The following CRTAC1 variants were observed in gnomAD, a reference collection of about 807,000 sequenced individuals.
CRTAC1 encodes the protein acidic secreted protein in cartilage.
CRTAC1 carries 37 observed loss-of-function variants against 67.8 expected under a neutral mutation model. The observed-to-expected ratio is 0.55, with a 90% CI of 0.42 to 0.72. The LOEUF is 0.72. Ranked by LOEUF, CRTAC1 falls within the 30% of genes least tolerant of loss-of-function variation. The probability of loss-of-function intolerance (pLI) is 0.00; values close to 1 mark genes in which losing one functional copy is unlikely to be tolerated. For synonymous variants in CRTAC1, 348 were observed against 371.0 expected, an observed-to-expected ratio of 0.94 and a Z score of 0.71; for missense variants, 780 against 931.6, an observed-to-expected ratio of 0.84 and a Z score of 2.12.
At chr10:97,907,173 G>T (rs2050624083) in intron 6 of CRTAC1, among the ~76,000 whole-genome samples, 1 of 152,188 alleles carries the variant, frequency 6.6e-6, no homozygotes, top group Non-Finnish European at 1.5e-5. Flanking sequence ...CCGTGACCCG[G>T]TCCTTGTAAA....
Position 97,975,154 on chromosome 10 carries a change from G to A in CRTAC1, c.224+35984C>T, listed in dbSNP as rs1251292420. On this transcript the variant is annotated intron_variant, in intron 2 of 14. Transcript: ENST00000370597. The surrounding 1 kb of genome is among the most constrained non-coding windows in gnomAD (Gnocchi z 4.8). ...CTAAACGGCAGCATTTAAGGGCCCT[G>A]CGAAGGAATCCAATTTGCGCACAAG... Among the ~76,000 whole-genome samples the A allele has an allele frequency of 6.6e-6, 1 of 152,198 alleles. No individual in the cohort carries two copies. The highest frequency in any genetic ancestry group is 1.5e-5 in the Non-Finnish European group (1 of 68,024).
At chr10:97,931,941 C>G (rs1243535292) in intron 3 of CRTAC1, among the ~76,000 whole-genome samples, 1 of 152,172 alleles carries the variant, frequency 6.6e-6, no homozygotes, top group Non-Finnish European at 1.5e-5. Flanking sequence ...TGCACACTCT[C>G]CTACCTGGTT....
chr10:97,969,562 C>G (rs1255398356), intron 2 of CRTAC1, among the ~76,000 whole-genome samples: 1 of 152,132 alleles, frequency 6.6e-6, no homozygotes, highest in Non-Finnish European at 1.5e-5. Flanking sequence ...GATCTTTGGA[C>G]AAATGTAACC....
At chr10:97,936,021 C>A in intron 3 of CRTAC1, 149 bp downstream of exon 3, 2 of 687,766 alleles carry the variant, frequency 2.9e-6, no homozygotes, top group East Asian at 2.8e-5. Context: ...ATTCTGGGAC[C>A]CAGGGAGGTC....
chr10:97,883,468 T>C (rs1033068638), intron 12 of CRTAC1, among the ~76,000 whole-genome samples: 3 of 152,140 alleles, frequency 2.0e-5, no homozygotes, highest in Admixed American at 6.5e-5. Context: ...GTAACACACA[T>C]GACACAAAAT....
chr10:97,984,631 C>A (rs1452633389), intron 2 of CRTAC1, among the ~76,000 whole-genome samples: 1 of 152,178 alleles, frequency 6.6e-6, no homozygotes, highest in Non-Finnish European at 1.5e-5. Flanking sequence ...ACAAGGCTCC[C>A]AAGGTCATCT....
intron 8 of CRTAC1, 134 bp downstream of exon 8, chr10:97,901,369 G>A (rs936315610): frequency 1.0e-6 from 1 of 993,712 alleles, no homozygotes; most frequent in African/African-American, 1.6e-5. Flanking sequence ...TCTTCATCAG[G>A]GGACCTGTGT....
In CRTAC1 at chr10:98,029,864, G is replaced by T. The variant is rs1422787087; in HGVS notation, c.24+585C>A. 6.6e-6 allele frequency among the ~76,000 whole-genome samples: 1 copy of T among 152,172 alleles called. No individual in the cohort carries two copies. Among genetic ancestry groups the T allele is most frequent in the East Asian group, 1.9e-4 (1 of 5,148 alleles). ...TGAAGGGAAGACCACACCTCGTCCAGCATAAGGCGGCTAGCAGCTACGCCG... is the reference window on the plus strand; with the variant it reads ...TGAAGGGAAGACCACACCTCGTCCATCATAAGGCGGCTAGCAGCTACGCCG... On this transcript the variant is annotated intron_variant, in intron 1 of 14. Coordinates refer to ENST00000370597, the MANE Select transcript of CRTAC1 (RefSeq NM_018058.7). The surrounding 1 kb of genome is among the most constrained non-coding windows in gnomAD (Gnocchi z 4.7).
intron 6 of CRTAC1, among the ~76,000 whole-genome samples, chr10:97,906,992 G>A (rs952277650): frequency 2.6e-5 from 4 of 152,186 alleles, no homozygotes; most frequent in African/African-American, 9.7e-5. Context: ...ATGCCTCCAA[G>A]AAGGAGGTGA....
At chr10:97,911,387 T>TA (rs1165013073) in intron 5 of CRTAC1, among the ~76,000 whole-genome samples, 2 of 152,370 alleles carry the variant, frequency 1.3e-5, no homozygotes, top group African/African-American at 2.4e-5. Context: ...TTGTAACCTG[T>TA]AATTACTAGA....
intron 8 of CRTAC1, among the ~76,000 whole-genome samples, chr10:97,898,748 G>T (rs2050494763): frequency 6.6e-6 from 1 of 152,140 alleles, no homozygotes. Context: ...AATCTCCGTG[G>T]GAGACCAGGA....
intron 1 of CRTAC1, among the ~76,000 whole-genome samples, chr10:98,020,779 C>A (rs552342728): frequency 2.8e-4 from 43 of 152,284 alleles, no homozygotes; most frequent in African/African-American, 9.9e-4. Context: ...GGGCAGGACA[C>A]CTGGTGGGAA....
At chr10:97,870,540 C>A (rs1196231745) in intron 14 of CRTAC1, 1 of 152,092 alleles carries the variant, frequency 6.6e-6, no homozygotes, top group Admixed American at 6.5e-5. Context: ...GTGCTCACTT[C>A]ATGAGAATTC....
intron 2 of CRTAC1, among the ~76,000 whole-genome samples, chr10:98,003,654 A>T (rs1842734131): frequency 6.6e-6 from 1 of 151,958 alleles, no homozygotes. Flanking sequence ...TAACTTAATC[A>T]CTTCTGCAAA....
intron 2 of CRTAC1, among the ~76,000 whole-genome samples, chr10:98,007,215 G>A (rs1311818383): frequency 1.3e-5 from 2 of 152,182 alleles, no homozygotes; most frequent in East Asian, 1.9e-4. Flanking sequence ...GGATTGCCAC[G>A]TTCGCTTGGA....
Position 98,000,049 on chromosome 10 carries a change from G to T in CRTAC1, c.224+11089C>A, listed in dbSNP as rs138142693. 7.4e-3 allele frequency among the ~76,000 whole-genome samples: 1,128 copies of T among 152,326 alleles called. 25 individuals carry two copies. Among genetic ancestry groups the T allele is most frequent in the African/African-American group, 0.025 (1,045 of 41,564 alleles). The stretch of plus-strand genomic sequence containing the variant: ...GACACCCTGGCTGCAGAAAGGAGCT[G>T]CCCTATGGGAGACTGAGCTGTTCTA... On this transcript the variant is annotated intron_variant, in intron 2 of 14. Coordinates refer to ENST00000370597, the MANE Select transcript of CRTAC1 (RefSeq NM_018058.7).
chr10:97,878,727 G>T (rs1265229514), intron 14 of CRTAC1: 2 of 1,301,752 alleles, frequency 1.5e-6, no homozygotes, highest in Non-Finnish European at 1.0e-6. Context: ...CCAGGCCTAT[G>T]TCCAGCCAGA....
At chr10:97,962,875 C>T (rs983175719) in intron 2 of CRTAC1, among the ~76,000 whole-genome samples, 4 of 149,204 alleles carry the variant, frequency 2.7e-5, no homozygotes, top group Non-Finnish European at 4.5e-5. Context: ...AAAAGAATAG[C>T]AAAAAAAACC....
chr10:97,966,798 G>C (rs1435967877), intron 2 of CRTAC1, among the ~76,000 whole-genome samples: 1 of 152,174 alleles, frequency 6.6e-6, no homozygotes, highest in African/African-American at 2.4e-5. Flanking sequence ...ATGTCCCTCA[G>C]TGGGATTTGT....
Sources: gnomAD v4.1 joint callset for allele counts (sites outside exome capture counted in the v4.1 genomes callset) on GRCh38, gnomAD v4.1.1 for gene constraint, Gnocchi (gnomAD v3.1) non-coding constraint, MANE v1.5 for transcripts, NCBI Gene and HGNC (gene_info 2026-07-23, HGNC 2026-07-21) for gene names.